ST7: variants seen among roughly 807,000 people sequenced by gnomAD.
The protein encoded by ST7 is suppressor of tumorigenicity 7 protein.
In ST7, 28 loss-of-function variants were observed where a neutral mutation model predicts 78.7. The observed-to-expected ratio is 0.36, with a 90% CI of 0.26 to 0.49. The LOEUF is 0.49. ST7 is among the 20% of genes least tolerant of loss of function. The pLI, the probability that ST7 is intolerant of heterozygous loss-of-function variation, is 0.99. For missense variants in ST7, 418 were observed against 696.0 expected (o/e 0.60, Z 4.49); for synonymous variants, 247 against 249.6 (o/e 0.99, Z 0.10).
chr7:117,196,517 A>G (rs927372763), intron 12 of ST7, among the ~76,000 whole-genome samples: 7 of 148,814 alleles, frequency 4.7e-5, no homozygotes, highest in Admixed American at 3.3e-4. Flanking sequence ...CTTGTTAGTG[A>G]TGTTGAGCAT....
intron 1 of ST7, among the ~76,000 whole-genome samples, chr7:117,077,844 C>CTTTT (rs1186348708): frequency 5.0e-4 from 61 of 120,824 alleles, no homozygotes; most frequent in South Asian, 8.1e-4. Flanking sequence ...TGATTTCTTT[C>CTTTT]TTTTTTTTTT....
intron 1 of ST7, among the ~76,000 whole-genome samples, chr7:117,008,021 T>G (rs568715748): frequency 6.6e-6 from 1 of 152,282 alleles, no homozygotes; most frequent in East Asian, 1.9e-4. Flanking sequence ...GTTGTCTTGA[T>G]TAGAAATATA....
intron 1 of ST7, among the ~76,000 whole-genome samples, chr7:116,967,843 C>G (rs1793206434): frequency 6.6e-6 from 1 of 152,192 alleles, no homozygotes; most frequent in South Asian, 2.1e-4. Flanking sequence ...ACTCAATCAG[C>G]TTTTTCTCTT....
At position 117,196,752 on chromosome 7, in the gene ST7, C is replaced by T. The variant is rs1185576679; in HGVS notation, c.1254+5816C>T. ...CTCTATTCCACAGGTTACCTTTTCG[C>T]TCTGTTGATTGTTTTCTTTGCTACA... On this transcript the variant is annotated intron_variant, in intron 12 of 15. Coordinates refer to ENST00000323984, the MANE Select transcript of ST7 (RefSeq NM_001369598.1). Among the ~76,000 whole-genome samples, 3 of 148,664 alleles carry T rather than the reference C, an allele frequency of 2.0e-5. No homozygotes were observed. The South Asian group carries it at 6.4e-4, about 32-fold the overall frequency.
chr7:117,148,316 C>A (rs538787969), intron 9 of ST7, among the ~76,000 whole-genome samples: 1 of 152,180 alleles, frequency 6.6e-6, no homozygotes, highest in African/African-American at 2.4e-5. Flanking sequence ...GTTAAGAATA[C>A]CTACTCTAAC....
At chr7:117,127,851 C>A (rs1803983426) in intron 3 of ST7, among the ~76,000 whole-genome samples, 1 of 151,860 alleles carries the variant, frequency 6.6e-6, no homozygotes, top group Non-Finnish European at 1.5e-5. Flanking sequence ...CATGATTTAT[C>A]TTTGGAGTTA....
At chr7:117,082,226 C>T (rs928174350) in intron 1 of ST7, among the ~76,000 whole-genome samples, 31 of 152,116 alleles carry the variant, frequency 2.0e-4, no homozygotes, top group African/African-American at 7.0e-4. Flanking sequence ...CAGTAGTCTA[C>T]CCAAGTTGAC....
At chr7:117,066,218 A>G (rs1798623652) in intron 1 of ST7, among the ~76,000 whole-genome samples, 1 of 152,184 alleles carries the variant, frequency 6.6e-6, no homozygotes, top group Non-Finnish European at 1.5e-5. Context: ...CCTTATTTGT[A>G]GATGAGGAAG....
chr7:117,083,116 A>G (rs144994433), intron 1 of ST7, among the ~76,000 whole-genome samples: 11,638 of 151,164 alleles, frequency 0.077, 528 homozygotes, highest in Middle Eastern at 0.15. Flanking sequence ...CTGGAGTGCA[A>G]TGGCACGATC....
chr7:117,073,090 A>G (rs960480975), intron 1 of ST7: 1 of 152,238 alleles, frequency 6.6e-6, no homozygotes, highest in Non-Finnish European at 1.5e-5. Flanking sequence ...GGCTGGCTTC[A>G]GCCTTTGAAG....
chr7:117,184,720 T>C (rs978126576), intron 10 of ST7, among the ~76,000 whole-genome samples: 18 of 152,168 alleles, frequency 1.2e-4, no homozygotes, highest in African/African-American at 3.9e-4. Context: ...ATGAATCTAG[T>C]TATGGGATGA....
At chr7:116,975,024 T>C (rs1212772159) in intron 1 of ST7, among the ~76,000 whole-genome samples, 1 of 152,214 alleles carries the variant, frequency 6.6e-6, no homozygotes, top group Non-Finnish European at 1.5e-5. Flanking sequence ...TTAGTTAGGC[T>C]ATTGCATTAG....
At chr7:117,053,470 A>G (rs1420855953) in intron 1 of ST7, among the ~76,000 whole-genome samples, 2 of 152,092 alleles carry the variant, frequency 1.3e-5, no homozygotes, top group African/African-American at 4.8e-5. Flanking sequence ...TGTTGCTTGT[A>G]CCTCTGGATC....
At chr7:117,079,547 T>G (rs1355594899) in intron 1 of ST7, among the ~76,000 whole-genome samples, 1 of 152,206 alleles carries the variant, frequency 6.6e-6, no homozygotes, top group African/African-American at 2.4e-5. Context: ...TTCTTCTTGA[T>G]GTTGTTGCTG....
intron 9 of ST7, among the ~76,000 whole-genome samples, chr7:117,161,100 G>T (rs868081227): frequency 3.1e-4 from 45 of 144,156 alleles, no homozygotes; most frequent in African/African-American, 1.0e-3. Flanking sequence ...GGACACTGTT[G>T]TTTTTTTTTT....
intron 9 of ST7, among the ~76,000 whole-genome samples, chr7:117,147,756 T>G (rs1345517888): frequency 3.9e-5 from 6 of 152,174 alleles, no homozygotes; most frequent in African/African-American, 1.2e-4. Context: ...TCTCCCCCTC[T>G]ATCCTCTGTG....
chr7:116,981,380 G>C (rs897023553), intron 1 of ST7, among the ~76,000 whole-genome samples: 9 of 152,140 alleles, frequency 5.9e-5, no homozygotes, highest in African/African-American at 1.7e-4. Flanking sequence ...AAAATGCCAG[G>C]ATTATAGGTA....
chr7:117,047,136 C>A (rs141367776), intron 1 of ST7, among the ~76,000 whole-genome samples: 4 of 152,226 alleles, frequency 2.6e-5, no homozygotes, highest in African/African-American at 9.6e-5. Flanking sequence ...CTAAGGACAT[C>A]GGTCATTAAA....
At chr7:117,171,670 A>T (rs1419559764) in intron 10 of ST7, among the ~76,000 whole-genome samples, 1 of 151,644 alleles carries the variant, frequency 6.6e-6, no homozygotes, top group Non-Finnish European at 1.5e-5. Flanking sequence ...TGAATTCATT[A>T]TTTGATTAAT....
Sources: gnomAD v4.1 joint callset for allele counts (sites outside exome capture counted in the v4.1 genomes callset) on GRCh38, gnomAD v4.1.1 for gene constraint, MANE v1.5 for transcripts, NCBI Gene and HGNC (gene_info 2026-07-23, HGNC 2026-07-21) for gene names.